The following ZNF627 variants were observed in gnomAD, a reference collection of about 807,000 sequenced individuals.
ZNF627 encodes zinc finger protein 627.
A neutral mutation model predicts 10.6 loss-of-function variants in ZNF627; 12 were observed. The ratio of observed to expected loss-of-function variants is 1.13; its 90% CI spans 0.73 to 1.84. The LOEUF is 1.84. Among genes scored for constraint, ZNF627 ranks in the 40% most tolerant of loss-of-function variants. The probability of loss-of-function intolerance (pLI) is 0.00; values close to 1 mark genes in which losing one functional copy is unlikely to be tolerated. For synonymous variants in ZNF627, 176 were observed against 187.1 expected (o/e 0.94, Z 0.48); for missense variants, 504 against 568.4 (o/e 0.89, Z 1.15).
intron 1 of ZNF627, among the ~76,000 whole-genome samples, 164 bp downstream of exon 1, chr19:11,597,794 G>A (rs73496629): frequency 0.011 from 1,662 of 152,340 alleles, 26 homozygotes; most frequent in African/African-American, 0.037. Flanking sequence ...TGGGACCCCG[G>A]TCGTCCTGTC....
At position 11,597,578 on chromosome 19, in the gene ZNF627, C is replaced by T. The variant is rs1973509481; in HGVS notation, c.-50C>T. ...AGCCTCTGTCGCGCCGTGACCTGTA[C>T]AGGTCGCGGGAGTCGTAGGGAGGAC... On this transcript the variant is annotated 5_prime_UTR_variant, in exon 1 of 4. Transcript: ENST00000361113. 6.1e-6 allele frequency: 8 copies of T among 1,320,576 alleles called. No homozygotes were observed. Among genetic ancestry groups the T allele is most frequent in the Non-Finnish European group, 7.8e-6 (8 of 1,026,308 alleles). The allele number at this position is 1,320,576 out of a possible 1,614,324, so 81.8% of individuals were successfully genotyped here. A position where few individuals can be genotyped will look rare whatever the true frequency, so the allele number is the denominator to read the frequency against.
At chr19:11,597,671 G>A in intron 1 of ZNF627, 41 bp downstream of exon 1, 2 of 1,335,952 alleles carry the variant, frequency 1.5e-6, no homozygotes, top group Non-Finnish European at 1.9e-6. Flanking sequence ...CTGGGGGAGG[G>A]GCTGGTTGGA....
At chr19:11,612,121 T>A (rs1169609500) in intron 1 of ZNF627, among the ~76,000 whole-genome samples, 1 of 136,544 alleles carries the variant, frequency 7.3e-6, no homozygotes, top group East Asian at 2.0e-4. Flanking sequence ...CCAACTGCTT[T>A]TTTTTTTTTT....
intron 3 of ZNF627, among the ~76,000 whole-genome samples, chr19:11,615,977 C>T (rs571286648): frequency 7.9e-5 from 12 of 151,286 alleles, no homozygotes; most frequent in East Asian, 3.9e-4. Flanking sequence ...CCTCAGCCTC[C>T]GAAAGTGCTG....
At chr19:11,612,118 CTT>C (rs533449447) in intron 1 of ZNF627, among the ~76,000 whole-genome samples, 1 of 91,718 alleles carries the variant, frequency 1.1e-5, no homozygotes, top group African/African-American at 4.3e-5. Context: ...GGTCCAACTG[CTT>C]TTTTTTTTTT....
At chr19:11,616,247 C>T (rs539513571) in intron 3 of ZNF627, among the ~76,000 whole-genome samples, 8 of 150,384 alleles carry the variant, frequency 5.3e-5, no homozygotes, top group South Asian at 2.1e-4. Context: ...GGTTTCTCCA[C>T]GTTGGTCAAG....
At position 11,617,126 on chromosome 19, in the gene ZNF627, G is replaced by C; in HGVS notation, c.623G>C (p.Ser208Thr). ...TGTGGGAAAGCCTTTGATTATCCCA[G>C]TTTATTTCGTATACATGAAAGAAGT... ...KVCGKAFDYP[S>T]LFRIHERSHT... The change falls in exon 4 of 4, where the codon AGT (serine) becomes ACT (threonine). Residue 208 changes from serine (S) to threonine (T), a missense_variant. Transcript: ENST00000361113. 1.2e-6 allele frequency: 2 copies of C among 1,614,002 alleles called. No individual in the cohort carries two copies. The highest frequency in any genetic ancestry group is 2.2e-5 in the South Asian group (2 of 91,082).
intron 1 of ZNF627, among the ~76,000 whole-genome samples, chr19:11,613,912 C>T (rs1973821067): frequency 7.3e-6 from 1 of 137,534 alleles, no homozygotes; most frequent in African/African-American, 2.7e-5. Flanking sequence ...ACTCTAGTTA[C>T]TAGATTTTTT....
In ZNF627 at chr19:11,618,422, A is replaced by G. The variant is rs1973917407; in HGVS notation, c.*533A>G. The G allele has an allele frequency of 6.5e-6, 1 of 153,392 alleles. No individual in the cohort carries two copies. The highest frequency in any genetic ancestry group is 2.1e-4 in the South Asian group (1 of 4,870). 9.5% of individuals were successfully genotyped at this position (153,392 alleles called of 1,614,324 possible). A position where few individuals can be genotyped will look rare whatever the true frequency, so the allele number is the denominator to read the frequency against. On this transcript the variant is annotated 3_prime_UTR_variant, in exon 4 of 4. Coordinates refer to ENST00000361113, the MANE Select transcript of ZNF627 (RefSeq NM_145295.4). Reference sequence around the variant, plus strand: ...TCCACACTTTGGTTTTCCTTCAGACATTATTATGTCTGTACTAGGCAACTA... The same window carrying G: ...TCCACACTTTGGTTTTCCTTCAGACGTTATTATGTCTGTACTAGGCAACTA...
At chr19:11,605,199 C>T (rs1323449987) in intron 1 of ZNF627, among the ~76,000 whole-genome samples, 1 of 150,690 alleles carries the variant, frequency 6.6e-6, no homozygotes, top group East Asian at 1.9e-4. Flanking sequence ...TTCTCTGCCT[C>T]AGCCTCCCAA....
rs1973882285 is a variant in ZNF627, at chr19:11,617,047, AT to A, written c.546del (p.Arg183GlufsTer5). The A allele has an allele frequency of 6.2e-7, 1 of 1,613,994 alleles. No homozygotes were observed. The highest frequency in any genetic ancestry group is 1.1e-5 in the South Asian group (1 of 91,086). On this transcript the variant is annotated frameshift_variant, in exon 4 of 4. Transcript: ENST00000361113. LOFTEE classifies it low-confidence loss of function (END_TRUNC). Reference sequence around the variant, plus strand: ...AGAAACCTTTATTTCTCTTGTAAGCATTCGAAGACACATGTTAACGCATAGG... The same window carrying A: ...AGAAACCTTTATTTCTCTTGTAAGCATCGAAGACACATGTTAACGCATAGG... ...CGETFISLVS[I>X]RRHMLTHRGG... is the part of the protein sequence containing the mutation.
intron 1 of ZNF627, among the ~76,000 whole-genome samples, chr19:11,601,610 A>G (rs958194129): frequency 3.3e-5 from 5 of 152,030 alleles, no homozygotes; most frequent in Non-Finnish European, 4.4e-5. Context: ...AGCCTCCCCA[A>G]ATTCCAGGAT....
At chr19:11,604,104 T>C (rs1258291819) in intron 1 of ZNF627, 2 of 152,078 alleles carry the variant, frequency 1.3e-5, no homozygotes, top group African/African-American at 2.4e-5. Context: ...ATCATATAAT[T>C]GATGAACCAA....
At chr19:11,604,651 G>C (rs1331809308) in intron 1 of ZNF627, among the ~76,000 whole-genome samples, 1 of 152,176 alleles carries the variant, frequency 6.6e-6, no homozygotes, top group Non-Finnish European at 1.5e-5. Context: ...ATGCATTTCA[G>C]ATAAATGAAC....
At chr19:11,609,522 T>TGTA (rs377174587) in intron 1 of ZNF627, among the ~76,000 whole-genome samples, 1 of 116,486 alleles carries the variant, frequency 8.6e-6, no homozygotes, top group African/African-American at 2.9e-5. Context: ...TATATATGTA[T>TGTA]TTTTTCCCCC....
chr19:11,615,845 G>A (rs1168647110), intron 3 of ZNF627, among the ~76,000 whole-genome samples: 4 of 149,072 alleles, frequency 2.7e-5, no homozygotes, highest in Non-Finnish European at 5.9e-5. Context: ...AGCCTCCCGA[G>A]TAGCTGGGAT....
chr19:11,612,509 C>T (rs570200440), intron 1 of ZNF627, among the ~76,000 whole-genome samples: 5 of 144,194 alleles, frequency 3.5e-5, no homozygotes, highest in South Asian at 4.4e-4. Flanking sequence ...GCAACCTCTG[C>T]GTGCTGGGTT....
At chr19:11,607,521 G>A (rs1045154615) in intron 1 of ZNF627, among the ~76,000 whole-genome samples, 1 of 152,150 alleles carries the variant, frequency 6.6e-6, no homozygotes, top group African/African-American at 2.4e-5. Context: ...CCGCTTAGCA[G>A]TTTCTTCCAC....
chr19:11,610,699 C>A (rs1973758930), intron 1 of ZNF627, among the ~76,000 whole-genome samples: 1 of 152,124 alleles, frequency 6.6e-6, no homozygotes, highest in African/African-American at 2.4e-5. Flanking sequence ...TCAGCTCTGG[C>A]CCCAATAGAC....
Sources: allele counts gnomAD v4.1 joint callset (sites outside exome capture counted in the v4.1 genomes callset), GRCh38; gene constraint gnomAD v4.1.1; transcripts MANE v1.5; gene names NCBI Gene and HGNC (gene_info 2026-07-23, HGNC 2026-07-21).